FHIT: variants seen among roughly 807,000 people sequenced by gnomAD.
FHIT encodes the protein bis(5'-adenosyl)-triphosphatase.
Under a neutral mutation model 17.9 loss-of-function variants are expected in FHIT, and 19 were observed. The ratio of observed to expected loss-of-function variants is 1.06; its 90% CI spans 0.74 to 1.56. The LOEUF is 1.56. Among genes scored for constraint, FHIT ranks in the 40% most tolerant of loss-of-function variants. The pLI, the probability that FHIT is intolerant of heterozygous loss-of-function variation, is 0.00. For synonymous variants in FHIT, 81 were observed against 69.7 expected, an observed-to-expected ratio of 1.16 and a Z score of -0.81; for missense variants, 248 against 189.2, an observed-to-expected ratio of 1.31 and a Z score of -1.82.
intron 4 of FHIT, among the ~76,000 whole-genome samples, chr3:60,731,116 G>GCGAGA (rs1413652823): frequency 6.6e-6 from 1 of 152,042 alleles, no homozygotes; most frequent in African/African-American, 2.4e-5. Context: ...GGGTGATAGA[G>GCGAGA]CGAGACTCTG....
chr3:60,712,436 T>C (rs1275901283), intron 4 of FHIT, among the ~76,000 whole-genome samples: 36 of 151,712 alleles, frequency 2.4e-4, no homozygotes, highest in Non-Finnish European at 4.0e-4. Flanking sequence ...ATATTAACTA[T>C]AAATGTAAAT....
chr3:61,230,647 G>A (rs1437488264), intron 1 of FHIT, among the ~76,000 whole-genome samples: 1 of 152,160 alleles, frequency 6.6e-6, no homozygotes, highest in Non-Finnish European at 1.5e-5. Flanking sequence ...CTAAGGACCA[G>A]TTGACAAACC....
At chr3:59,833,414 A>T (rs961322957) in intron 8 of FHIT, among the ~76,000 whole-genome samples, 1 of 152,196 alleles carries the variant, frequency 6.6e-6, no homozygotes, top group Non-Finnish European at 1.5e-5. Context: ...TGATGCAGCT[A>T]CAAGCCAAGG....
At chr3:60,628,026 GTTT>G (rs1372561496) in intron 4 of FHIT, among the ~76,000 whole-genome samples, 3 of 151,994 alleles carry the variant, frequency 2.0e-5, no homozygotes, top group Admixed American at 6.6e-5. Context: ...TCATTTTATA[GTTT>G]ATTAAGGTGA....
intron 3 of FHIT, among the ~76,000 whole-genome samples, chr3:61,020,884 T>A (rs2032386048): frequency 6.6e-6 from 1 of 152,190 alleles, no homozygotes; most frequent in Non-Finnish European, 1.5e-5. Context: ...GTTGCAATAC[T>A]AGTCTCTGAT....
intron 4 of FHIT, chr3:60,690,486 G>T: frequency 1.8e-6 from 1 of 567,364 alleles, no homozygotes. Context: ...TCTCCCTGTA[G>T]ATGGACTTGC....
intron 5 of FHIT, among the ~76,000 whole-genome samples, chr3:60,271,648 C>T (rs1706871657): frequency 6.6e-6 from 1 of 152,164 alleles, no homozygotes; most frequent in Non-Finnish European, 1.5e-5. Context: ...TATGGCACAT[C>T]TGCTTTCCAT....
chr3:60,458,621 T>C (rs1008349302), intron 5 of FHIT, among the ~76,000 whole-genome samples: 6 of 152,032 alleles, frequency 3.9e-5, no homozygotes, highest in Admixed American at 3.3e-4. Context: ...ATCACCGTTA[T>C]ATATTTCAGG....
intron 8 of FHIT, among the ~76,000 whole-genome samples, chr3:59,758,314 G>A (rs1286907273): frequency 6.6e-6 from 1 of 152,214 alleles, no homozygotes; most frequent in Non-Finnish European, 1.5e-5. Context: ...GTTCCCTGAT[G>A]AATCCTGACC....
chr3:59,856,694 A>G (rs1702170966), intron 8 of FHIT, among the ~76,000 whole-genome samples: 1 of 152,234 alleles, frequency 6.6e-6, no homozygotes, highest in South Asian at 2.1e-4. Context: ...AATGTTATCT[A>G]ATTTCTCTAA....
At chr3:60,438,193 G>A (rs1432021955) in intron 5 of FHIT, among the ~76,000 whole-genome samples, 1 of 151,936 alleles carries the variant, frequency 6.6e-6, no homozygotes, top group South Asian at 2.1e-4. Flanking sequence ...TTCCCCTGGA[G>A]GGAGCATGCA....
chr3:60,406,546 C>G (rs144221542), intron 5 of FHIT, among the ~76,000 whole-genome samples: 1 of 152,104 alleles, frequency 6.6e-6, no homozygotes, highest in African/African-American at 2.4e-5. Context: ...CTTTCTTTAT[C>G]GTTTGCTTTC....
chr3:60,556,289 A>G (rs1485998193), intron 4 of FHIT, among the ~76,000 whole-genome samples: 1 of 152,174 alleles, frequency 6.6e-6, no homozygotes, highest in East Asian at 1.9e-4. Flanking sequence ...CCAAAGACAG[A>G]CCCAGATGCA....
At chr3:60,699,620 C>T (rs1457085679) in intron 4 of FHIT, among the ~76,000 whole-genome samples, 1 of 139,540 alleles carries the variant, frequency 7.2e-6, no homozygotes, top group East Asian at 2.0e-4. Context: ...AGCGCACCAG[C>T]ATGGCACATG....
Position 60,018,966 on chromosome 3 carries a change from G to A in FHIT, c.104-4814C>T, listed in dbSNP as rs189727219. 6.4e-3 allele frequency among the ~76,000 whole-genome samples: 979 copies of A among 152,128 alleles called. 14 individuals carry two copies. Among genetic ancestry groups the A allele is most frequent in the African/African-American group, 0.023 (946 of 41,432 alleles). ...TTGCACTCCAGCCTGGGCTACAAGA[G>A]CAAAACTCTGTCTCAAAACAACAAC... On this transcript the variant is annotated intron_variant, in intron 5 of 9. Coordinates refer to ENST00000492590, the MANE Select transcript of FHIT (RefSeq NM_002012.4).
At chr3:60,390,943 G>A (rs901053650) in intron 5 of FHIT, among the ~76,000 whole-genome samples, 1 of 152,154 alleles carries the variant, frequency 6.6e-6, no homozygotes, top group African/African-American at 2.4e-5. Flanking sequence ...AATTTGGGAG[G>A]CTGAATCGGG....
chr3:60,999,618 T>C (rs1283361600), intron 3 of FHIT, among the ~76,000 whole-genome samples: 4 of 151,792 alleles, frequency 2.6e-5, no homozygotes, highest in Admixed American at 6.6e-5. Flanking sequence ...GTTAAGGTCC[T>C]GGGAAACAGA....
At chr3:61,001,749 A>G (rs115422699) in intron 3 of FHIT, among the ~76,000 whole-genome samples, 290 of 152,280 alleles carry the variant, frequency 1.9e-3, no homozygotes, top group African/African-American at 6.4e-3. Context: ...GGTTTCATGA[A>G]GCTACACTTA....
intron 5 of FHIT, among the ~76,000 whole-genome samples, chr3:60,363,179 G>A (rs932566828): frequency 9.2e-5 from 14 of 152,058 alleles, no homozygotes; most frequent in African/African-American, 3.4e-4. Flanking sequence ...TAAATTCGTG[G>A]TGCTCCTATC....
Sources: gnomAD v4.1 joint callset for allele counts (sites outside exome capture counted in the v4.1 genomes callset) on GRCh38, gnomAD v4.1.1 for gene constraint, MANE v1.5 for transcripts, NCBI Gene and HGNC (gene_info 2026-07-23, HGNC 2026-07-21) for gene names.